ATP10B: variants seen among roughly 807,000 people sequenced by gnomAD.
ATP10B encodes phospholipid-transporting ATPase VB.
ATP10B carries 122 observed loss-of-function variants against 141.2 expected under a neutral mutation model. The ratio of observed to expected loss-of-function variants is 0.86; its 90% CI spans 0.75 to 1.00. The LOEUF is 1.00. ATP10B is among the 50% of genes least tolerant of loss of function. ATP10B has a pLI of 0.00. For synonymous variants in ATP10B, 685 were observed against 692.0 expected, an observed-to-expected ratio of 0.99 and a Z score of 0.16; for missense variants, 1,876 against 1,825.3, an observed-to-expected ratio of 1.03 and a Z score of -0.51.
intron 1 of ATP10B, among the ~76,000 whole-genome samples, chr5:160,799,334 G>A (rs917450304): frequency 7.2e-5 from 11 of 152,228 alleles, no homozygotes; most frequent in Middle Eastern, 3.4e-3. Context: ...ACCACTTGAG[G>A]TTTCAAAACA....
At chr5:160,915,715 G>A in the ATP10B span, among the ~76,000 whole-genome samples, 2 of 152,124 alleles carry the variant, frequency 1.3e-5, no homozygotes, top group African/African-American at 2.4e-5. Flanking sequence ...TAGATTAGTG[G>A]CTTTCACATG....
At chr5:160,654,547 A>C (rs923807689) in intron 7 of ATP10B, among the ~76,000 whole-genome samples, 1 of 152,184 alleles carries the variant, frequency 6.6e-6, no homozygotes, top group African/African-American at 2.4e-5. Flanking sequence ...TATCTGGAGC[A>C]CTTACTATGT....
chr5:160,652,092 A>T (rs1418231682), intron 7 of ATP10B, among the ~76,000 whole-genome samples: 4 of 151,770 alleles, frequency 2.6e-5, no homozygotes, highest in Admixed American at 2.6e-4. Flanking sequence ...GTGAAGTTTG[A>T]CTCTTGTTCC....
At position 160,667,164 on chromosome 5, in the gene ATP10B, G is replaced by A. The variant is rs1426855343; in HGVS notation, c.675+3299C>T. On this transcript the variant is annotated intron_variant, in intron 7 of 25. Transcript: ENST00000327245. ...ACCCGGGAGGCGGAGCTTGCAGTGA[G>A]CAGAGATCGTGCCACTGCACTCCAG... is the stretch of plus-strand genomic sequence containing the variant. Among the ~76,000 whole-genome samples, 5 of 152,290 alleles carry A rather than the reference G, an allele frequency of 3.3e-5. No homozygotes were observed. In the East Asian group the frequency reaches 9.7e-4, roughly 29 times the overall value.
intron 1 of ATP10B, among the ~76,000 whole-genome samples, chr5:160,836,937 C>G (rs1775476509): frequency 6.6e-6 from 1 of 152,050 alleles, no homozygotes; most frequent in Non-Finnish European, 1.5e-5. Flanking sequence ...TTCCCTTGCT[C>G]AAGCCAAAAA....
At chr5:160,747,010 G>A (rs1349943230) in intron 2 of ATP10B, among the ~76,000 whole-genome samples, 2 of 152,188 alleles carry the variant, frequency 1.3e-5, no homozygotes, top group Non-Finnish European at 2.9e-5. Flanking sequence ...GAAAAAAATA[G>A]CTGCCTAGGT....
At chr5:160,728,984 A>C (rs567739682) in intron 2 of ATP10B, among the ~76,000 whole-genome samples, 1 of 152,298 alleles carries the variant, frequency 6.6e-6, no homozygotes, top group East Asian at 1.9e-4. Flanking sequence ...GAGGGTCTGG[A>C]CATGGCAGCC....
chr5:160,716,625 G>T (rs1319127294), intron 3 of ATP10B, among the ~76,000 whole-genome samples: 4 of 152,160 alleles, frequency 2.6e-5, no homozygotes, highest in Non-Finnish European at 5.9e-5. Flanking sequence ...TCTAGGGTTA[G>T]GTTCAGCCAC....
rs1166484925 is a variant in ATP10B, at chr5:160,819,325, G to A, written c.-576+32616C>T. Among the ~76,000 whole-genome samples, 4 of 152,030 alleles carry A rather than the reference G, an allele frequency of 2.6e-5. No individual in the cohort carries two copies. The East Asian group carries it at 5.8e-4, about 22-fold the overall frequency. ...AAATTATCCTAGAGTAGTATATCTG[G>A]CAAAAATATTCTTCAAGCATGAAGG... On this transcript the variant is annotated intron_variant, in intron 1 of 25. Transcript: ENST00000327245.
intron 2 of ATP10B, among the ~76,000 whole-genome samples, chr5:160,765,033 A>G (rs1769304550): frequency 6.6e-6 from 1 of 152,198 alleles, no homozygotes; most frequent in Non-Finnish European, 1.5e-5. Flanking sequence ...AAAGATTTCT[A>G]CAAGGAAAAC....
chr5:160,870,503 A>G, the ATP10B span, among the ~76,000 whole-genome samples: 1 of 152,088 alleles, frequency 6.6e-6, no homozygotes, highest in Non-Finnish European at 1.5e-5. Context: ...AAACATAACA[A>G]AAACCTCCAA....
At chr5:160,639,432 T>G (rs1351916080) in intron 10 of ATP10B, among the ~76,000 whole-genome samples, 1 of 152,132 alleles carries the variant, frequency 6.6e-6, no homozygotes, top group African/African-American at 2.4e-5. Flanking sequence ...GGCCCAATGA[T>G]GTAATCACAG....
At chr5:160,848,114 G>A (rs1776236455) in intron 1 of ATP10B, among the ~76,000 whole-genome samples, 2 of 152,108 alleles carry the variant, frequency 1.3e-5, no homozygotes, top group Non-Finnish European at 1.5e-5. Flanking sequence ...ATACACATGT[G>A]TAAATACATA....
intron 3 of ATP10B, among the ~76,000 whole-genome samples, chr5:160,692,247 G>A (rs908242390): frequency 6.6e-6 from 1 of 152,156 alleles, no homozygotes; most frequent in Non-Finnish European, 1.5e-5. Flanking sequence ...GTGAATGAAA[G>A]TTTGATGAGG....
At chr5:160,634,635 G>T (rs1339577295) in intron 11 of ATP10B, 29 bp from the exon 12 acceptor site, 1 of 1,569,324 alleles carries the variant, frequency 6.4e-7, no homozygotes, top group Non-Finnish European at 8.6e-7. Context: ...CTACCATTCA[G>T]AAACCAGGCA....
chr5:160,755,832 AAAAAAAATATATATATATAT>A (rs1416275577), intron 2 of ATP10B, among the ~76,000 whole-genome samples: 6 of 68,716 alleles, frequency 8.7e-5, no homozygotes, highest in East Asian at 8.7e-4. Context: ...AAAAAAAAAA[AAAAAAAATATATATATATAT>A]ATATATATAT....
At chr5:160,699,321 T>C (rs1337958159) in intron 3 of ATP10B, among the ~76,000 whole-genome samples, 2 of 152,212 alleles carry the variant, frequency 1.3e-5, no homozygotes, top group African/African-American at 4.8e-5. Context: ...ACTGACAAAA[T>C]AATTAAGTTG....
At chr5:160,923,824 A>G in the ATP10B span, among the ~76,000 whole-genome samples, 2 of 152,226 alleles carry the variant, frequency 1.3e-5, no homozygotes, top group African/African-American at 2.4e-5. Context: ...ACTATACTTT[A>G]AGATCTGTGA....
chr5:160,901,752 G>C, the ATP10B span, among the ~76,000 whole-genome samples: 1 of 152,140 alleles, frequency 6.6e-6, no homozygotes, highest in Non-Finnish European at 1.5e-5. Flanking sequence ...GTTCATAAAT[G>C]AATAGGTCAA....
Sources: gnomAD v4.1 joint callset for allele counts (sites outside exome capture counted in the v4.1 genomes callset) on GRCh38, gnomAD v4.1.1 for gene constraint, MANE v1.5 for transcripts, NCBI Gene and HGNC (gene_info 2026-07-23, HGNC 2026-07-21) for gene names.